The following METTL15 variants were observed in gnomAD, a reference collection of about 807,000 sequenced individuals.
METTL15 encodes the protein 12S rRNA N(4)-cytidine methyltransferase METTL15.
Under a neutral mutation model 38.3 loss-of-function variants are expected in METTL15, and 34 were observed. That is an observed-to-expected ratio of 0.89 (90% CI 0.68 to 1.18). The LOEUF (loss-of-function observed/expected upper bound fraction) is 1.18, where lower values mean the gene tolerates loss of function less well. Ranked by LOEUF, METTL15 falls within the 50% of genes most tolerant of loss-of-function variation. The probability of loss-of-function intolerance (pLI) is 0.00; values close to 1 mark genes in which losing one functional copy is unlikely to be tolerated. For missense variants in METTL15, 438 were observed against 498.4 expected (o/e 0.88, Z 1.15); for synonymous variants, 162 against 170.9 (o/e 0.95, Z 0.41).
intron 3 of METTL15, among the ~76,000 whole-genome samples, chr11:28,180,372 T>C (rs1851238931): frequency 6.6e-6 from 1 of 151,904 alleles, no homozygotes; most frequent in South Asian, 2.1e-4. Context: ...GCCAATTTTG[T>C]TGTGAAACTA....
chr11:28,504,856 C>G (rs1054942608), intron 6 of METTL15, among the ~76,000 whole-genome samples: 1 of 152,204 alleles, frequency 6.6e-6, no homozygotes, highest in Non-Finnish European at 1.5e-5. Context: ...ACGTAACATG[C>G]ACTAATTCTT....
chr11:28,438,911 A>C (rs1436173861), intron 6 of METTL15, among the ~76,000 whole-genome samples: 1 of 151,880 alleles, frequency 6.6e-6, no homozygotes, highest in Non-Finnish European at 1.5e-5. Flanking sequence ...CCCTGACTGC[A>C]GGTGATCCAC....
intron 6 of METTL15, among the ~76,000 whole-genome samples, chr11:28,508,934 T>C (rs966260930): frequency 2.0e-5 from 3 of 152,246 alleles, no homozygotes; most frequent in African/African-American, 7.2e-5. Context: ...GGGCATGGCA[T>C]AGTAATGTTA....
intron 6 of METTL15, among the ~76,000 whole-genome samples, chr11:28,498,865 G>A (rs1440739643): frequency 6.6e-6 from 1 of 152,164 alleles, no homozygotes; most frequent in Non-Finnish European, 1.5e-5. Flanking sequence ...CTCAACTTTT[G>A]TCTGGTCTTT....
intron 6 of METTL15, among the ~76,000 whole-genome samples, chr11:28,502,973 G>A (rs117706802): frequency 3.9e-5 from 6 of 152,182 alleles, no homozygotes; most frequent in African/African-American, 1.2e-4. Flanking sequence ...AAGTTATGCT[G>A]TAGTAACTCT....
intron 4 of METTL15, among the ~76,000 whole-genome samples, chr11:28,252,672 G>A (rs1030721722): frequency 6.6e-6 from 1 of 151,802 alleles, no homozygotes; most frequent in Non-Finnish European, 1.5e-5. Flanking sequence ...GTCTCTCCCC[G>A]TCTATGGGAG....
intron 6 of METTL15, among the ~76,000 whole-genome samples, chr11:28,428,868 C>T (rs1850887105): frequency 1.3e-5 from 2 of 152,206 alleles, no homozygotes; most frequent in Admixed American, 1.3e-4. Context: ...GGCAGATCCC[C>T]TTCCTATAAC....
intron 6 of METTL15, chr11:28,517,216 A>C (rs1382753325): frequency 1.3e-5 from 2 of 152,270 alleles, no homozygotes; most frequent in Middle Eastern, 3.4e-3. Flanking sequence ...ATCTCCAACA[A>C]ACCCCCAATC....
intron 3 of METTL15, among the ~76,000 whole-genome samples, chr11:28,148,746 A>C (rs576907094): frequency 1.5e-4 from 23 of 151,972 alleles, no homozygotes; most frequent in African/African-American, 5.5e-4. Flanking sequence ...TTTTATTTCA[A>C]CTTTTTCAAA....
chr11:28,129,433 G>A (rs951843875), intron 3 of METTL15, among the ~76,000 whole-genome samples: 6 of 150,096 alleles, frequency 4.0e-5, no homozygotes, highest in African/African-American at 1.2e-4. Context: ...CTTTTGAGAC[G>A]GAGTCTTGCT....
At chr11:28,201,976 A>G (rs1017022903) in intron 3 of METTL15, among the ~76,000 whole-genome samples, 3 of 152,132 alleles carry the variant, frequency 2.0e-5, no homozygotes, top group Non-Finnish European at 2.9e-5. Flanking sequence ...AAGAAATGCA[A>G]AGGCCAGAAT....
In METTL15 at chr11:28,240,954, A is replaced by T. The variant is rs572764381; in HGVS notation, c.407+29756A>T. Among the ~76,000 whole-genome samples the T allele has an allele frequency of 9.8e-5, 15 of 152,316 alleles. 1 individual carries two copies. The highest frequency in any genetic ancestry group is 3.4e-4 in the African/African-American group (14 of 41,576). On this transcript the variant is annotated intron_variant, in intron 4 of 6. Coordinates refer to ENST00000407364, the MANE Select transcript of METTL15 (RefSeq NM_001113528.2). ...AGAAGATTTGATTGTCAGAAAATAA[A>T]AGCTGTACTTTTAAAGAGCTTATAT...
intron 6 of METTL15, among the ~76,000 whole-genome samples, chr11:28,525,747 C>T (rs1486556047): frequency 3.3e-5 from 5 of 152,268 alleles, no homozygotes; most frequent in African/African-American, 4.8e-5. Context: ...CAGTGGATCC[C>T]GCACCGGGGC....
At chr11:28,259,002 C>CA in intron 4 of METTL15, among the ~76,000 whole-genome samples, 1 of 152,152 alleles carries the variant, frequency 6.6e-6, no homozygotes, top group Non-Finnish European at 1.5e-5. Context: ...CTGAAGCCAG[C>CA]AAGTCTCACA....
chr11:28,190,132 G>T (rs1851647450), intron 3 of METTL15, among the ~76,000 whole-genome samples: 1 of 151,112 alleles, frequency 6.6e-6, no homozygotes, highest in African/African-American at 2.4e-5. Flanking sequence ...ATGGTTTTAA[G>T]ATTACTCCTC....
intron 5 of METTL15, among the ~76,000 whole-genome samples, chr11:28,380,753 TATACAAATG>T (rs1850374159): frequency 6.6e-6 from 1 of 152,158 alleles, no homozygotes; most frequent in African/African-American, 2.4e-5. Context: ...AGAATGGAAA[TATACAAATG>T]TTCGTCTAGG....
At chr11:28,186,668 T>TA (rs1210087243) in intron 3 of METTL15, among the ~76,000 whole-genome samples, 5 of 151,190 alleles carry the variant, frequency 3.3e-5, no homozygotes, top group African/African-American at 1.2e-4. Context: ...TGATCATATT[T>TA]AGTTTGATAA....
At chr11:28,187,478 C>T (rs1213101711) in intron 3 of METTL15, among the ~76,000 whole-genome samples, 1 of 147,146 alleles carries the variant, frequency 6.8e-6, no homozygotes, top group Non-Finnish European at 1.5e-5. Flanking sequence ...AAGGGGAAAG[C>T]GTATTGGACA....
At chr11:28,324,488 A>C (rs1459155831) in intron 6 of METTL15, among the ~76,000 whole-genome samples, 1 of 152,158 alleles carries the variant, frequency 6.6e-6, no homozygotes, top group Non-Finnish European at 1.5e-5. Context: ...TAATTGATTA[A>C]TTAAGGATGT....
Sources: allele counts gnomAD v4.1 joint callset (sites outside exome capture counted in the v4.1 genomes callset), GRCh38; gene constraint gnomAD v4.1.1; transcripts MANE v1.5; gene names NCBI Gene and HGNC (gene_info 2026-07-23, HGNC 2026-07-21).